The following CAMKK2 variants were observed in gnomAD, a reference collection of about 807,000 sequenced individuals.
CAMKK2 encodes the protein calcium/calmodulin-dependent protein kinase kinase 2.
CAMKK2 carries 30 observed loss-of-function variants against 67.2 expected under a neutral mutation model. That is an observed-to-expected ratio of 0.45 (90% CI 0.33 to 0.61). The LOEUF is 0.61. Ranked by LOEUF, CAMKK2 falls within the 20% of genes least tolerant of loss-of-function variation. The probability of loss-of-function intolerance (pLI) is 0.02; values close to 1 mark genes in which losing one functional copy is unlikely to be tolerated. For missense variants in CAMKK2, 643 were observed against 802.0 expected, an observed-to-expected ratio of 0.80 and a Z score of 2.39; for synonymous variants, 322 against 326.2, an observed-to-expected ratio of 0.99 and a Z score of 0.14.
rs762192593 is a variant in CAMKK2 at position 121,244,563 on chromosome 12, C to T, written c.1596+10G>A. On this transcript the variant is annotated intron_variant, in intron 16 of 16. Coordinates refer to ENST00000404169, the MANE Select transcript of CAMKK2 (RefSeq NM_001270485.2). ...CAGCAGAGGCTACGGCACAGGCAGG[C>T]GGGCGTTACCTTGAGCTCAGACAGG... 1.6e-5 allele frequency: 25 copies of T among 1,557,620 alleles called. No homozygotes were observed. Among genetic ancestry groups the T allele is most frequent in the Middle Eastern group, 1.7e-4 (1 of 6,010 alleles).
rs1326299603 is a variant in CAMKK2, at chr12:121,245,264, T to G, written c.1453-24A>C. 1.3e-6 allele frequency: 2 copies of G among 1,505,930 alleles called. No individual in the cohort carries two copies. Among genetic ancestry groups the G allele is most frequent in the Non-Finnish European group, 1.8e-6 (2 of 1,094,598 alleles). The allele number at this position is 1,505,930 out of a possible 1,614,324, so 93.3% of individuals were successfully genotyped here. On this transcript the variant is annotated intron_variant, in intron 14 of 16. Coordinates refer to ENST00000404169, the MANE Select transcript of CAMKK2 (RefSeq NM_001270485.2). This position sits in a 1 kb window ranked among gnomAD's most constrained non-coding sequence, Gnocchi z 5.8. The stretch of plus-strand genomic sequence containing the variant: ...ATCTGAAGAGGGAGAAAAGAGGAGG[T>G]GGCAGGCAACTGCTTGGCCATGTGG...
chr12:121,240,856 C>A lies in CAMKK2; in HGVS notation c.1610G>T (p.Arg537Leu), dbSNP rs766855208. 1 of 1,612,496 alleles carries A rather than the reference C, an allele frequency of 6.2e-7. No individual in the cohort carries two copies. Among genetic ancestry groups the A allele is most frequent in the South Asian group, 1.1e-5 (1 of 91,066 alleles). ...GGGTCGGTGCCCTGGAGGTTGTCTT[C>A]GCTGCCTTGCTTCCTGCTCACCGAA... ...SLSELKEARQ[R>L]RQPPGHRPAP... Residue 537 changes from arginine (R) to leucine (L), a missense_variant, in exon 17 of 17, where the codon CGA (arginine) becomes CTA (leucine). Physicochemically the swap from Arg to Leu is moderately radical, Grantham distance 102. Around this residue, in one of 3 missense-constraint regions of CAMKK2, gnomAD observed 140 missense variants for 124.2 expected, o/e 1.13. Transcript: ENST00000404169. This position sits in a 1 kb window ranked among gnomAD's most constrained non-coding sequence, Gnocchi z 4.4.
chr12:121,292,749 C>G (rs1432859834), intron 1 of CAMKK2, among the ~76,000 whole-genome samples: 1 of 152,026 alleles, frequency 6.6e-6, no homozygotes, highest in African/African-American at 2.4e-5. Context: ...TAGAGGATCA[C>G]TTGAGTCCAG....
intron 16 of CAMKK2, among the ~76,000 whole-genome samples, chr12:121,243,382 A>G (rs1888764415): frequency 6.6e-6 from 1 of 151,768 alleles, no homozygotes; most frequent in East Asian, 1.9e-4. Context: ...CTTTGTACAC[A>G]AATGTTCATA....
In CAMKK2 at chr12:121,296,118, A is replaced by G. The variant is rs550199806; in HGVS notation, c.-60+520T>C. ...GACCGAAGACAGCCAAAGGTCCCCT[A>G]GGTCCCCACAACTGCTGGCCTAGGG... On this transcript the variant is annotated intron_variant, in intron 1 of 16. Coordinates refer to ENST00000404169, the MANE Select transcript of CAMKK2 (RefSeq NM_001270485.2). The surrounding 1 kb of genome is among the most constrained non-coding windows in gnomAD (Gnocchi z 7.1). 7.2e-5 allele frequency among the ~76,000 whole-genome samples: 11 copies of G among 152,284 alleles called. No individual in the cohort carries two copies. Among genetic ancestry groups the G allele is most frequent in the South Asian group, 2.1e-4 (1 of 4,828 alleles).
At chr12:121,264,635 G>A (rs1008038359) in intron 5 of CAMKK2, among the ~76,000 whole-genome samples, 6 of 152,150 alleles carry the variant, frequency 3.9e-5, no homozygotes, top group East Asian at 3.9e-4. Flanking sequence ...TTAGCCGGGC[G>A]TGGTGGTGGG....
intron 1 of CAMKK2, among the ~76,000 whole-genome samples, chr12:121,279,971 C>T (rs1435752146): frequency 2.6e-5 from 4 of 152,254 alleles, no homozygotes; most frequent in Admixed American, 1.3e-4. Context: ...GAGGTGCTCC[C>T]GAGCCCGGAC....
Position 121,263,935 on chromosome 12 carries a change from G to A in CAMKK2, c.630C>T (p.Arg210=). The change falls in exon 6 of 17, where the codon CGC becomes CGT. Residue 210 remains arginine, a synonymous_variant. Coordinates refer to ENST00000404169, the MANE Select transcript of CAMKK2 (RefSeq NM_001270485.2). The part of the protein sequence containing the change: ...KLIRQAGFPR[R]PPPRGTRPAP... ...CTGGCCGGGTGCCTCGGGGTGGAGG[G>A]CGACCTGAAGGAAACAAAAACAGAC... 1.3e-6 allele frequency: 2 copies of A among 1,599,126 alleles called. No homozygotes were observed. Among genetic ancestry groups the A allele is most frequent in the Non-Finnish European group, 1.7e-6 (2 of 1,169,964 alleles).
At chr12:121,250,420 T>C (rs1890450931) in intron 11 of CAMKK2, among the ~76,000 whole-genome samples, 1 of 152,124 alleles carries the variant, frequency 6.6e-6, no homozygotes, top group Non-Finnish European at 1.5e-5. Context: ...GCAGCAGTGA[T>C]TTTCAAGGGC....
intron 1 of CAMKK2, among the ~76,000 whole-genome samples, chr12:121,293,108 T>A (rs1900411485): frequency 6.6e-6 from 1 of 152,090 alleles, no homozygotes; most frequent in South Asian, 2.1e-4. Flanking sequence ...AAACCCCGTT[T>A]CTACTAAAAA....
At chr12:121,247,567 A>AG (rs1428404167) in intron 14 of CAMKK2, among the ~76,000 whole-genome samples, 2 of 152,134 alleles carry the variant, frequency 1.3e-5, no homozygotes, top group Admixed American at 1.3e-4. Context: ...TACAGGCACA[A>AG]GGGGTGGTTG....
At position 121,245,113 on chromosome 12, in the gene CAMKK2, C is replaced by A. The variant is rs200387555; in HGVS notation, c.1553+27G>T. On this transcript the variant is annotated intron_variant, in intron 15 of 16. Coordinates refer to ENST00000404169, the MANE Select transcript of CAMKK2 (RefSeq NM_001270485.2). This position sits in a 1 kb window ranked among gnomAD's most constrained non-coding sequence, Gnocchi z 5.8. ...GCCTAGCCTCCAGCCACCACTCCCCCACCCAAGAAGGCAGGCGGCCACTCA... is the reference window on the plus strand; with the variant it reads ...GCCTAGCCTCCAGCCACCACTCCCCAACCCAAGAAGGCAGGCGGCCACTCA... The A allele has an allele frequency of 2.8e-4, 419 of 1,502,422 alleles. No homozygotes were observed. The highest frequency in any genetic ancestry group is 3.5e-4 in the Non-Finnish European group (387 of 1,095,972). The allele number at this position is 1,502,422 out of a possible 1,614,324, so 93.1% of individuals were successfully genotyped here. A position where few individuals can be genotyped will look rare whatever the true frequency, so the allele number is the denominator to read the frequency against.
At chr12:121,276,158 T>TAA (rs1896769484) in intron 1 of CAMKK2, among the ~76,000 whole-genome samples, 1 of 71,410 alleles carries the variant, frequency 1.4e-5, no homozygotes. Flanking sequence ...AGACTCCATC[T>TAA]CAAAAAAAAA....
At chr12:121,269,415 C>T (rs952580260) in intron 4 of CAMKK2, 113 bp downstream of exon 4, 1 of 816,818 alleles carries the variant, frequency 1.2e-6, no homozygotes, top group African/African-American at 1.7e-5. Context: ...ATAAACATGA[C>T]CTAAGAATAA....
intron 2 of CAMKK2, among the ~76,000 whole-genome samples, chr12:121,271,280 A>C (rs1205752445): frequency 6.6e-6 from 1 of 151,638 alleles, no homozygotes; most frequent in South Asian, 2.1e-4. Flanking sequence ...TCTCAAAAAA[A>C]AAAAAAAAAA....
At chr12:121,263,507 T>G (rs1011146777) in intron 6 of CAMKK2, among the ~76,000 whole-genome samples, 2 of 152,114 alleles carry the variant, frequency 1.3e-5, no homozygotes, top group Non-Finnish European at 2.9e-5. Context: ...TATGTGTAAG[T>G]AGAAAGAGAA....
At chr12:121,241,491 C>T (rs1317885599) in intron 16 of CAMKK2, among the ~76,000 whole-genome samples, 5 of 152,206 alleles carry the variant, frequency 3.3e-5, no homozygotes. Flanking sequence ...GAGGAGAGCC[C>T]TTGTTTCCCT....
intron 1 of CAMKK2, among the ~76,000 whole-genome samples, chr12:121,279,421 T>TA (rs903630820): frequency 9.2e-5 from 14 of 152,182 alleles, no homozygotes; most frequent in Admixed American, 3.3e-4. Context: ...TCACAGACCC[T>TA]ACAAAGATCT....
At chr12:121,246,088 GA>G (rs1211232579) in intron 14 of CAMKK2, among the ~76,000 whole-genome samples, 1 of 152,118 alleles carries the variant, frequency 6.6e-6, no homozygotes, top group African/African-American at 2.4e-5. Flanking sequence ...GGGCTGGGGG[GA>G]GGTGAATGGA....
Sources: allele counts gnomAD v4.1 joint callset (sites outside exome capture counted in the v4.1 genomes callset), GRCh38; gene constraint gnomAD v4.1.1; regional missense constraint gnomAD v4.1.1; non-coding constraint Gnocchi (gnomAD v3.1); transcripts MANE v1.5; gene names NCBI Gene and HGNC (gene_info 2026-07-23, HGNC 2026-07-21).